The following ROR1 variants were observed in gnomAD, a reference collection of about 807,000 sequenced individuals.
The protein encoded by ROR1 is inactive tyrosine-protein kinase transmembrane receptor ROR1.
In ROR1, 19 loss-of-function variants were observed where a neutral mutation model predicts 78.8. The observed-to-expected ratio is 0.24, with a 90% CI of 0.17 to 0.35. ROR1 has a LOEUF of 0.35. ROR1 is among the 10% of genes least tolerant of loss of function. ROR1 has a pLI of 1.00. For synonymous variants in ROR1, 386 were observed against 433.6 expected, an observed-to-expected ratio of 0.89 and a Z score of 1.36; for missense variants, 917 against 1,177.8, an observed-to-expected ratio of 0.78 and a Z score of 3.24.
At chr1:63,877,337 G>A (rs2100368117) in intron 1 of ROR1, among the ~76,000 whole-genome samples, 1 of 152,284 alleles carries the variant, frequency 6.6e-6, no homozygotes, top group South Asian at 2.1e-4. Flanking sequence ...CTCAATGTGT[G>A]ATGAGGGCAA....
At chr1:64,137,320 CTGTA>C (rs770412790) in intron 4 of ROR1, 45 bp from the exon 5 acceptor site, 3 of 1,608,060 alleles carry the variant, frequency 1.9e-6, no homozygotes, top group Non-Finnish European at 2.6e-6. Flanking sequence ...TTGCTGTGCC[CTGTA>C]TGTATGTGGT....
chr1:64,059,191 T>G (rs555170151), intron 4 of ROR1, among the ~76,000 whole-genome samples: 1 of 152,316 alleles, frequency 6.6e-6, no homozygotes, highest in South Asian at 2.1e-4. Flanking sequence ...TGTGTCTTTT[T>G]TTTTCCTTTG....
rs937513950 is a variant in ROR1 at position 63,976,531 on chromosome 1, A to G, written c.92-32774A>G. Among the ~76,000 whole-genome samples, 27 of 152,326 alleles carry G rather than the reference A, an allele frequency of 1.8e-4. 1 individual carries two copies. The highest frequency in any genetic ancestry group is 1.0e-3 in the Admixed American group (16 of 15,296). ...ATCTTTCTAGTCCAGTGTCAACATC[A>G]TTCATTAACTAGATATACACTGTTA... On this transcript the variant is annotated intron_variant, in intron 1 of 8. Transcript: ENST00000371079.
At chr1:64,116,955 C>T (rs1292705306) in intron 4 of ROR1, among the ~76,000 whole-genome samples, 1 of 152,132 alleles carries the variant, frequency 6.6e-6, no homozygotes, top group African/African-American at 2.4e-5. Context: ...TATATCTTGT[C>T]TCTCCAGAAA....
chr1:63,914,293 G>T (rs1395920131), intron 1 of ROR1, among the ~76,000 whole-genome samples: 1 of 152,200 alleles, frequency 6.6e-6, no homozygotes, highest in Non-Finnish European at 1.5e-5. Context: ...GACCCGCAGG[G>T]TTGTGATGAC....
chr1:64,045,917 C>T (rs137963540), intron 2 of ROR1, among the ~76,000 whole-genome samples: 1 of 152,084 alleles, frequency 6.6e-6, no homozygotes, highest in South Asian at 2.1e-4. Context: ...TTGACATTTG[C>T]AGTCTAGGGA....
In ROR1 at chr1:63,924,008, C is replaced by T. The variant is rs190393946; in HGVS notation, c.92-85297C>T. ...TAGCTGGAAATTTTGTAGCTCTAAA[C>T]ACGGGGTTCTTCCATTTCATAAGAC... On this transcript the variant is annotated intron_variant, in intron 1 of 8. Transcript: ENST00000371079. Among the ~76,000 whole-genome samples the T allele has an allele frequency of 3.3e-5, 5 of 151,904 alleles. No homozygotes were observed. The Admixed American group carries it at 3.3e-4, about 10-fold the overall frequency.
intron 1 of ROR1, among the ~76,000 whole-genome samples, chr1:63,863,998 C>T (rs1219737465): frequency 6.6e-6 from 1 of 152,040 alleles, no homozygotes; most frequent in Non-Finnish European, 1.5e-5. Context: ...TAAAAAGGAC[C>T]ATAGCATAAT....
chr1:64,028,352 G>A (rs1324948627), intron 2 of ROR1, among the ~76,000 whole-genome samples: 3 of 152,136 alleles, frequency 2.0e-5, no homozygotes, highest in Admixed American at 1.3e-4. Flanking sequence ...ATAGGTTTGG[G>A]GAAGTTTGGG....
chr1:64,161,274 C>T (rs1253162936), intron 8 of ROR1, among the ~76,000 whole-genome samples: 1 of 152,166 alleles, frequency 6.6e-6, no homozygotes, highest in Non-Finnish European at 1.5e-5. Flanking sequence ...TTATTAGAAG[C>T]AATAAAATGT....
chr1:64,177,898 C>T lies in ROR1; in HGVS notation c.1857C>T (p.Arg619=), dbSNP rs750055704. The change falls in exon 9 of 9, where the codon CGC becomes CGT. Residue 619 remains arginine (R), a synonymous_variant. Transcript: ENST00000371079. ...TTGTCCACAAGGACCTTGCAGCTCG[C>T]AATATTTTAATCGGAGAGCAACTTC... ...HFFVHKDLAA[R]NILIGEQLHV... 29 of 1,614,060 alleles carry T rather than the reference C, an allele frequency of 1.8e-5. No homozygotes were observed. Among genetic ancestry groups the T allele is most frequent in the Non-Finnish European group, 2.4e-5 (28 of 1,180,030 alleles).
At chr1:63,895,001 T>G (rs1645428400) in intron 1 of ROR1, among the ~76,000 whole-genome samples, 1 of 152,212 alleles carries the variant, frequency 6.6e-6, no homozygotes, top group African/African-American at 2.4e-5. Flanking sequence ...TTACAGGAGC[T>G]TTTAGATCTT....
intron 1 of ROR1, among the ~76,000 whole-genome samples, chr1:63,833,407 C>T (rs1304387337): frequency 6.6e-6 from 1 of 152,052 alleles, no homozygotes; most frequent in Non-Finnish European, 1.5e-5. Flanking sequence ...AAGAGCAAGC[C>T]AGAAAAGGAG....
chr1:64,118,660 A>G (rs967388183), intron 4 of ROR1, among the ~76,000 whole-genome samples: 1 of 145,322 alleles, frequency 6.9e-6, no homozygotes, highest in Non-Finnish European at 1.5e-5. Context: ...AAAAAAAAAA[A>G]AGAATTAGAT....
At chr1:63,907,879 T>TA (rs977651299) in intron 1 of ROR1, among the ~76,000 whole-genome samples, 89 of 152,314 alleles carry the variant, frequency 5.8e-4, no homozygotes, top group African/African-American at 2.0e-3. Flanking sequence ...TTTGTCCTGA[T>TA]ACCAAAGCTA....
intron 1 of ROR1, among the ~76,000 whole-genome samples, chr1:63,788,322 C>T (rs955286036): frequency 2.6e-5 from 4 of 152,166 alleles, no homozygotes; most frequent in African/African-American, 9.7e-5. Context: ...TCCTACCATT[C>T]AGAGATAACT....
At chr1:63,876,100 G>A (rs574469975) in intron 1 of ROR1, among the ~76,000 whole-genome samples, 38 of 152,210 alleles carry the variant, frequency 2.5e-4, no homozygotes, top group Admixed American at 2.2e-3. Context: ...GTTAAATAGA[G>A]GAGTCCCTCG....
At chr1:63,842,603 C>G (rs1157148421) in intron 1 of ROR1, among the ~76,000 whole-genome samples, 1 of 152,036 alleles carries the variant, frequency 6.6e-6, no homozygotes, top group Non-Finnish European at 1.5e-5. Flanking sequence ...GCTTTGCTCA[C>G]AAGATGTGCA....
chr1:63,958,617 C>T (rs961189085), intron 1 of ROR1, among the ~76,000 whole-genome samples: 3 of 152,122 alleles, frequency 2.0e-5, no homozygotes, highest in Non-Finnish European at 4.4e-5. Flanking sequence ...AAGTTTTATC[C>T]TCTTACATAA....
Sources: allele counts gnomAD v4.1 joint callset (sites outside exome capture counted in the v4.1 genomes callset), GRCh38; gene constraint gnomAD v4.1.1; transcripts MANE v1.5; gene names NCBI Gene and HGNC (gene_info 2026-07-23, HGNC 2026-07-21).